LRRC4C: variants seen among roughly 807,000 people sequenced by gnomAD.
The protein encoded by LRRC4C is leucine rich repeat containing 4C, also known as leucine-rich repeat-containing protein 4C.
LRRC4C carries 5 observed loss-of-function variants against 33.6 expected under a neutral mutation model. That is an observed-to-expected ratio of 0.15 (90% CI 0.08 to 0.31). The LOEUF (loss-of-function observed/expected upper bound fraction) is 0.31. Among genes scored for constraint, LRRC4C ranks in the 10% least tolerant of loss-of-function variants. The pLI, the probability that LRRC4C is intolerant of heterozygous loss-of-function variation, is 1.00. For missense variants in LRRC4C, 560 were observed against 796.7 expected (o/e 0.70, Z 3.58); for synonymous variants, 329 against 302.0 (o/e 1.09, Z -0.93).
chr11:41,309,216 T>C (rs1439895990), intron 1 of LRRC4C, among the ~76,000 whole-genome samples: 2 of 152,054 alleles, frequency 1.3e-5, no homozygotes, highest in Admixed American at 6.5e-5. Context: ...GCAGTGACAA[T>C]GATAGTGGGG....
chr11:40,597,190 C>T (rs965405336), intron 3 of LRRC4C, among the ~76,000 whole-genome samples: 6 of 152,084 alleles, frequency 3.9e-5, no homozygotes, highest in Non-Finnish European at 8.8e-5. Context: ...CATTTGGTAA[C>T]ATGTCTGTCT....
At position 40,116,478 on chromosome 11, in the gene LRRC4C, G is replaced by A. The variant is rs373867303; in HGVS notation, c.-42-144C>T. 8.2e-4 allele frequency: 706 copies of A among 865,160 alleles called. 11 individuals carry two copies. The South Asian group carries it at 0.015, about 18-fold the overall frequency. The allele number at this position is 865,160 out of a possible 1,614,324, so 53.6% of individuals were successfully genotyped here. ...AAACAAATCTAATATCCTTTATTAAGCTATGTGGTTCATATTTAGAAGAAA... is the reference window on the plus strand; with the variant it reads ...AAACAAATCTAATATCCTTTATTAAACTATGTGGTTCATATTTAGAAGAAA... On this transcript the variant is annotated intron_variant, in intron 6 of 6. Coordinates refer to ENST00000528697, the MANE Select transcript of LRRC4C (RefSeq NM_001258419.2).
At chr11:41,292,851 G>C (rs1950029814) in intron 1 of LRRC4C, among the ~76,000 whole-genome samples, 1 of 152,084 alleles carries the variant, frequency 6.6e-6, no homozygotes, top group Non-Finnish European at 1.5e-5. Context: ...GTGAAATATA[G>C]TAATATGTAT....
chr11:40,670,051 C>T lies in LRRC4C; in HGVS notation c.-406-21773G>A, dbSNP rs544543963. ...AGAGCAATATTTTTCCAGAGCTCTT[C>T]ATTTTTGTCATCAAAGAACCTCACT... is the stretch of plus-strand genomic sequence containing the variant. On this transcript the variant is annotated intron_variant, in intron 2 of 6. Transcript: ENST00000528697. Among the ~76,000 whole-genome samples, 4 of 152,272 alleles carry T rather than the reference C, an allele frequency of 2.6e-5. No homozygotes were observed. The South Asian group carries it at 8.3e-4, about 32-fold the overall frequency.
chr11:40,633,371 T>TTC (rs1555125586), intron 3 of LRRC4C, among the ~76,000 whole-genome samples: 5 of 96,306 alleles, frequency 5.2e-5, no homozygotes, highest in African/African-American at 1.7e-4. Context: ...CTTTCTTTCT[T>TTC]TCTCTCTCTT....
At chr11:41,123,363 C>T (rs1294348151) in intron 1 of LRRC4C, among the ~76,000 whole-genome samples, 3 of 144,220 alleles carry the variant, frequency 2.1e-5, no homozygotes, top group Non-Finnish European at 4.5e-5. Flanking sequence ...AGCTCCGCCT[C>T]CCGGGTTCAC....
intron 1 of LRRC4C, among the ~76,000 whole-genome samples, chr11:41,084,410 T>C (rs959704278): frequency 1.8e-4 from 28 of 152,196 alleles, no homozygotes; most frequent in African/African-American, 6.8e-4. Context: ...GAAGATACTA[T>C]ATATTAATAT....
chr11:40,315,924 TCCCTGAGTAGGGCTACATCAG>T (rs1945551711), intron 4 of LRRC4C, among the ~76,000 whole-genome samples: 1 of 152,032 alleles, frequency 6.6e-6, no homozygotes, highest in Admixed American at 6.6e-5. Flanking sequence ...GCTTACAATC[TCCCTGAGTAGGGCTACATCAG>T]ATTTATGGTG....
chr11:40,684,498 A>T (rs940253187), intron 2 of LRRC4C, among the ~76,000 whole-genome samples: 1 of 152,006 alleles, frequency 6.6e-6, no homozygotes, highest in African/African-American at 2.4e-5. Context: ...CAGTGAGAAG[A>T]CCTAACATAT....
chr11:40,826,632 T>A (rs2135511864), intron 2 of LRRC4C, among the ~76,000 whole-genome samples: 1 of 152,122 alleles, frequency 6.6e-6, no homozygotes, highest in African/African-American at 2.4e-5. Context: ...TAGAATTAAG[T>A]TTATTTCCAG....
intron 1 of LRRC4C, among the ~76,000 whole-genome samples, chr11:41,319,649 C>A (rs893043980): frequency 1.3e-5 from 2 of 152,138 alleles, no homozygotes; most frequent in African/African-American, 2.4e-5. Context: ...CTCAAGCAAT[C>A]CTCCCACCTC....
intron 5 of LRRC4C, among the ~76,000 whole-genome samples, chr11:40,167,389 A>G (rs995338904): frequency 6.6e-6 from 1 of 152,118 alleles, no homozygotes; most frequent in African/African-American, 2.4e-5. Flanking sequence ...CTATATTTAT[A>G]CCCCTTGATT....
At chr11:41,162,127 A>G (rs1944499616) in intron 1 of LRRC4C, among the ~76,000 whole-genome samples, 1 of 152,164 alleles carries the variant, frequency 6.6e-6, no homozygotes, top group South Asian at 2.1e-4. Flanking sequence ...TCTTTTGCCC[A>G]GGTAGCACAT....
intron 5 of LRRC4C, among the ~76,000 whole-genome samples, chr11:40,150,940 T>TA (rs931870516): frequency 2.7e-4 from 41 of 150,696 alleles, no homozygotes; most frequent in Middle Eastern, 6.8e-3. Context: ...GTGAGAGAAA[T>TA]AAAAAAAAAT....
At chr11:40,843,818 A>G (rs2135674060) in intron 2 of LRRC4C, among the ~76,000 whole-genome samples, 1 of 152,306 alleles carries the variant, frequency 6.6e-6, no homozygotes, top group South Asian at 2.1e-4. Context: ...TATTGGTTAA[A>G]TATTAGTGTC....
intron 2 of LRRC4C, among the ~76,000 whole-genome samples, chr11:40,918,237 T>C (rs932109492): frequency 1.3e-5 from 2 of 152,094 alleles, no homozygotes; most frequent in South Asian, 2.1e-4. Context: ...TGAGGATGTA[T>C]GTATTAAGGC....
intron 3 of LRRC4C, among the ~76,000 whole-genome samples, chr11:40,342,537 G>A (rs1946917848): frequency 6.6e-6 from 1 of 152,012 alleles, no homozygotes. Context: ...AAAATACTGC[G>A]ATTCAGTAGA....
intron 1 of LRRC4C, among the ~76,000 whole-genome samples, chr11:41,346,993 G>A (rs1951824110): frequency 1.3e-5 from 2 of 152,144 alleles, no homozygotes; most frequent in East Asian, 3.8e-4. Flanking sequence ...TTCTATTCTT[G>A]CCTTGAGGAT....
At chr11:40,339,386 C>A (rs1236048345) in intron 3 of LRRC4C, among the ~76,000 whole-genome samples, 1 of 152,118 alleles carries the variant, frequency 6.6e-6, no homozygotes, top group African/African-American at 2.4e-5. Context: ...TGTATATAAG[C>A]CTGTTATTTA....
Sources: gnomAD v4.1 joint callset for allele counts (sites outside exome capture counted in the v4.1 genomes callset) on GRCh38, gnomAD v4.1.1 for gene constraint, MANE v1.5 for transcripts, NCBI Gene and HGNC (gene_info 2026-07-23, HGNC 2026-07-21) for gene names.